The following NEGR1 variants were observed in gnomAD, a reference collection of about 807,000 sequenced individuals.
NEGR1 encodes the protein neuronal growth regulator 1.
A neutral mutation model predicts 40.9 loss-of-function variants in NEGR1; 10 were observed. The ratio of observed to expected loss-of-function variants is 0.24; its 90% confidence interval spans 0.15 to 0.42. NEGR1 has a LOEUF of 0.42. Ranked by LOEUF, NEGR1 falls within the 10% of genes least tolerant of loss-of-function variation. The probability of loss-of-function intolerance (pLI) is 1.00; values close to 1 mark genes in which losing one functional copy is unlikely to be tolerated. For synonymous variants in NEGR1, 185 were observed against 166.8 expected (o/e 1.11, Z -0.84); for missense variants, 352 against 438.9 (o/e 0.80, Z 1.77).
At chr1:72,233,356 G>T (rs1487505138) in intron 1 of NEGR1, among the ~76,000 whole-genome samples, 1 of 151,994 alleles carries the variant, frequency 6.6e-6, no homozygotes, top group Non-Finnish European at 1.5e-5. Context: ...AGGTTATATT[G>T]CATAACACTG....
chr1:71,475,064 T>C (rs763443015), intron 6 of NEGR1, among the ~76,000 whole-genome samples: 37 of 151,928 alleles, frequency 2.4e-4, no homozygotes, highest in Non-Finnish European at 4.3e-4. Flanking sequence ...TTAGAAAAAA[T>C]ACAACCTAAA....
chr1:71,726,308 T>G (rs539113022), intron 3 of NEGR1, among the ~76,000 whole-genome samples: 2 of 152,136 alleles, frequency 1.3e-5, no homozygotes, highest in Non-Finnish European at 2.9e-5. Flanking sequence ...CTTCTGATTT[T>G]GCTCTGTGTA....
intron 1 of NEGR1, among the ~76,000 whole-genome samples, chr1:72,258,984 C>A (rs1441953721): frequency 6.6e-6 from 1 of 152,064 alleles, no homozygotes; most frequent in African/African-American, 2.4e-5. Context: ...TATGGAAGGT[C>A]TTTAAAAAGG....
intron 1 of NEGR1, among the ~76,000 whole-genome samples, chr1:71,995,557 C>T (rs937764995): frequency 8.5e-5 from 13 of 152,128 alleles, no homozygotes; most frequent in Admixed American, 7.2e-4. Flanking sequence ...TTCATCTTCA[C>T]TGTACTTAAG....
At chr1:72,144,030 T>C (rs1405557278) in intron 1 of NEGR1, among the ~76,000 whole-genome samples, 1 of 148,700 alleles carries the variant, frequency 6.7e-6, no homozygotes, top group Non-Finnish European at 1.5e-5. Context: ...ATCAATTATA[T>C]TATTGATGAA....
At chr1:71,586,425 T>C (rs969184057) in intron 6 of NEGR1, among the ~76,000 whole-genome samples, 3 of 152,202 alleles carry the variant, frequency 2.0e-5, no homozygotes, top group South Asian at 2.1e-4. Context: ...ATCTTTGTTA[T>C]ACATTAAGAG....
intron 1 of NEGR1, among the ~76,000 whole-genome samples, chr1:72,025,530 G>T (rs1343036417): frequency 1.3e-5 from 2 of 152,090 alleles, no homozygotes; most frequent in Admixed American, 6.5e-5. Flanking sequence ...GAAATCAAGG[G>T]TTACCAAAAT....
intron 2 of NEGR1, among the ~76,000 whole-genome samples, chr1:71,925,663 A>C (rs1390814053): frequency 6.6e-6 from 1 of 152,172 alleles, no homozygotes; most frequent in Non-Finnish European, 1.5e-5. Context: ...TTGGCATTTA[A>C]CTAATGAAAA....
chr1:72,061,800 T>C (rs1647179394), intron 1 of NEGR1, among the ~76,000 whole-genome samples: 1 of 151,878 alleles, frequency 6.6e-6, no homozygotes, highest in African/African-American at 2.4e-5. Context: ...CTACAGTCAA[T>C]AAAATTGTAT....
intron 3 of NEGR1, among the ~76,000 whole-genome samples, chr1:71,702,166 C>A (rs1653720492): frequency 6.6e-6 from 1 of 151,992 alleles, no homozygotes. Flanking sequence ...AACTCAAAAT[C>A]AATTGTTTCT....
intron 6 of NEGR1, among the ~76,000 whole-genome samples, chr1:71,581,714 T>TTA (rs1553151596): frequency 6.6e-6 from 1 of 150,598 alleles, no homozygotes; most frequent in African/African-American, 2.4e-5. Flanking sequence ...TTTTTTTTTT[T>TTA]AAATTTGAGA....
At chr1:72,073,822 GA>G in intron 1 of NEGR1, among the ~76,000 whole-genome samples, 1 of 151,482 alleles carries the variant, frequency 6.6e-6, no homozygotes, top group Non-Finnish European at 1.5e-5. Flanking sequence ...TAAAAAACAA[GA>G]AGAGACATAA....
chr1:72,201,537 A>C (rs1470304581), intron 1 of NEGR1, among the ~76,000 whole-genome samples: 1 of 151,880 alleles, frequency 6.6e-6, no homozygotes, highest in Non-Finnish European at 1.5e-5. Flanking sequence ...AATGAGAAAA[A>C]TATGGACAGC....
intron 1 of NEGR1, among the ~76,000 whole-genome samples, chr1:71,960,594 AAATT>A (rs1161675166): frequency 2.6e-5 from 4 of 152,120 alleles, no homozygotes; most frequent in Non-Finnish European, 5.9e-5. Flanking sequence ...GCAGAGTTTC[AAATT>A]AATTATTTTA....
intron 1 of NEGR1, among the ~76,000 whole-genome samples, chr1:71,975,732 G>A (rs1646296576): frequency 6.6e-6 from 1 of 151,958 alleles, no homozygotes; most frequent in Admixed American, 6.6e-5. Context: ...CTAGCTATTC[G>A]CCATGCGACT....
chr1:71,443,891 A>G (rs1302791337), intron 6 of NEGR1, among the ~76,000 whole-genome samples: 1 of 152,230 alleles, frequency 6.6e-6, no homozygotes, highest in African/African-American at 2.4e-5. Context: ...AGCACTTTCA[A>G]CTGCATCAGA....
chr1:71,847,146 G>T (rs1355801812), intron 2 of NEGR1, among the ~76,000 whole-genome samples: 1 of 152,116 alleles, frequency 6.6e-6, no homozygotes, highest in African/African-American at 2.4e-5. Flanking sequence ...CAGAAGCACT[G>T]AGGTCAAGAA....
chr1:71,635,961 T>TA (rs891374848), intron 4 of NEGR1, among the ~76,000 whole-genome samples: 6 of 152,036 alleles, frequency 3.9e-5, no homozygotes, highest in African/African-American at 7.2e-5. Context: ...TTTATAAAGT[T>TA]AAAAAAATCA....
At chr1:71,646,435 T>A (rs1651532764) in intron 4 of NEGR1, among the ~76,000 whole-genome samples, 1 of 151,794 alleles carries the variant, frequency 6.6e-6, no homozygotes, top group Non-Finnish European at 1.5e-5. Context: ...ACTTAGGAAG[T>A]CTGCCAGAAA....
Sources: allele counts gnomAD v4.1 joint callset (sites outside exome capture counted in the v4.1 genomes callset), GRCh38; gene constraint gnomAD v4.1.1; transcripts MANE v1.5; gene names NCBI Gene and HGNC (gene_info 2026-07-23, HGNC 2026-07-21).